NRXN1: variants seen among roughly 807,000 people sequenced by gnomAD.
The protein encoded by NRXN1 is neurexin-1.
A neutral mutation model predicts 150.9 loss-of-function variants in NRXN1; 39 were observed. The observed-to-expected ratio is 0.26, with a 90% confidence interval of 0.20 to 0.34. The LOEUF is 0.34. NRXN1 is among the 10% of genes least tolerant of loss of function. NRXN1 has a pLI of 1.00. For synonymous variants in NRXN1, 924 were observed against 757.0 expected, an observed-to-expected ratio of 1.22 and a Z score of -3.62; for missense variants, 1,815 against 1,949.9, an observed-to-expected ratio of 0.93 and a Z score of 1.30.
intron 21 of NRXN1, among the ~76,000 whole-genome samples, chr2:50,019,640 T>TTAAAA (rs1165089457): frequency 1.7e-4 from 1 of 6,004 alleles, no homozygotes; most frequent in Non-Finnish European, 2.9e-4. Flanking sequence ...AGATTCCGTC[T>TTAAAA]CAAAAAAAAA....
chr2:50,510,272 G>C (rs1222435318), intron 12 of NRXN1, among the ~76,000 whole-genome samples: 3 of 151,864 alleles, frequency 2.0e-5, no homozygotes, highest in African/African-American at 4.8e-5. Context: ...AGAATCACGA[G>C]GTCAGGAGTT....
intron 8 of NRXN1, among the ~76,000 whole-genome samples, chr2:50,597,034 G>A (rs1675350701): frequency 6.6e-6 from 1 of 151,878 alleles, no homozygotes; most frequent in African/African-American, 2.4e-5. Flanking sequence ...TGTATTTTTT[G>A]TAGGGATGGG....
intron 2 of NRXN1, among the ~76,000 whole-genome samples, chr2:50,984,132 T>A (rs1697296620): frequency 8.1e-6 from 1 of 123,508 alleles, no homozygotes; most frequent in Non-Finnish European, 1.7e-5. Context: ...CACGCCAGGC[T>A]AATTTTTTTT....
chr2:50,395,074 C>G (rs535596437), intron 17 of NRXN1, among the ~76,000 whole-genome samples: 213 of 152,102 alleles, frequency 1.4e-3, no homozygotes, highest in African/African-American at 4.8e-3. Context: ...CCCTGCTATG[C>G]TTTTCTTCAT....
At chr2:50,389,519 T>C (rs540946106) in intron 17 of NRXN1, among the ~76,000 whole-genome samples, 3 of 152,092 alleles carry the variant, frequency 2.0e-5, no homozygotes, top group Admixed American at 1.3e-4. Context: ...TAGACCCAAA[T>C]GTATGAAATT....
At chr2:50,533,507 CA>C (rs1286001339) in intron 10 of NRXN1, among the ~76,000 whole-genome samples, 1 of 152,148 alleles carries the variant, frequency 6.6e-6, no homozygotes, top group Non-Finnish European at 1.5e-5. Context: ...AATCCATTTG[CA>C]AGTCTGCAAG....
At chr2:50,723,904 C>A (rs113574788) in intron 5 of NRXN1, among the ~76,000 whole-genome samples, 1 of 152,128 alleles carries the variant, frequency 6.6e-6, no homozygotes, top group Non-Finnish European at 1.5e-5. Context: ...TTTATACATG[C>A]TCATATATCA....
chr2:50,404,817 G>C lies in NRXN1; in HGVS notation c.3364+60625C>G, dbSNP rs114655114. 7.3e-3 allele frequency among the ~76,000 whole-genome samples: 1,112 copies of C among 152,220 alleles called. 21 individuals are homozygous for C. Among genetic ancestry groups the C allele is most frequent in the African/African-American group, 0.025 (1,056 of 41,552 alleles). On this transcript the variant is annotated intron_variant, in intron 17 of 22. Coordinates refer to ENST00000401669, the MANE Select transcript of NRXN1 (RefSeq NM_001330078.2). ...ATAAGAGTTTTGACTCCCTGCTCTA[G>C]TGGTGAGAGACCTTTCAGTCAGAGA...
At chr2:50,981,413 G>A (rs569641037) in intron 2 of NRXN1, among the ~76,000 whole-genome samples, 8 of 120,104 alleles carry the variant, frequency 6.7e-5, no homozygotes, top group Admixed American at 1.1e-4. Context: ...AGCCAAGATC[G>A]CACCACTGCA....
At chr2:50,515,528 T>C (rs1488230994) in intron 12 of NRXN1, among the ~76,000 whole-genome samples, 1 of 151,964 alleles carries the variant, frequency 6.6e-6, no homozygotes, top group Non-Finnish European at 1.5e-5. Context: ...CTTCTACTTA[T>C]AAAATCTAGG....
chr2:50,301,129 C>T (rs1046255200), intron 17 of NRXN1, among the ~76,000 whole-genome samples: 1 of 152,182 alleles, frequency 6.6e-6, no homozygotes, highest in Non-Finnish European at 1.5e-5. Flanking sequence ...TATTCAGACT[C>T]TACATGAGAA....
At chr2:50,683,870 T>C (rs1052923417) in intron 5 of NRXN1, among the ~76,000 whole-genome samples, 5 of 151,150 alleles carry the variant, frequency 3.3e-5, no homozygotes, top group Middle Eastern at 3.2e-3. Context: ...ATGTGTGTAT[T>C]ATTTTCAAAA....
intron 5 of NRXN1, among the ~76,000 whole-genome samples, chr2:50,719,056 C>T (rs1001032672): frequency 3.3e-5 from 5 of 150,960 alleles, no homozygotes; most frequent in Non-Finnish European, 7.4e-5. Flanking sequence ...AATCCTACAA[C>T]TTCCACCATT....
intron 18 of NRXN1, among the ~76,000 whole-genome samples, chr2:50,192,993 C>G (rs766148218): frequency 2.0e-5 from 3 of 152,128 alleles, no homozygotes; most frequent in Non-Finnish European, 4.4e-5. Flanking sequence ...GTATATTACT[C>G]TTTAAACCCT....
At chr2:50,556,182 A>C (rs934396514) in intron 8 of NRXN1, among the ~76,000 whole-genome samples, 5 of 152,092 alleles carry the variant, frequency 3.3e-5, no homozygotes, top group African/African-American at 1.2e-4. Flanking sequence ...TTTTATAATT[A>C]CCCTATTTTT....
At chr2:50,055,879 G>GC (rs1693522182) in intron 19 of NRXN1, among the ~76,000 whole-genome samples, 1 of 152,118 alleles carries the variant, frequency 6.6e-6, no homozygotes, top group Non-Finnish European at 1.5e-5. Flanking sequence ...ACAAACAGTG[G>GC]CCCCTATTCA....
At chr2:50,303,622 G>A (rs2074360283) in intron 17 of NRXN1, among the ~76,000 whole-genome samples, 2 of 152,032 alleles carry the variant, frequency 1.3e-5, no homozygotes, top group South Asian at 2.1e-4. Context: ...AACCTTTCAT[G>A]TGTATTTGCA....
rs3052541 is a variant in NRXN1 at position 50,573,742 on chromosome 2, A to AAATAAT, written c.1321-20723_1321-20718dup. 6.3e-3 allele frequency among the ~76,000 whole-genome samples: 939 copies of AAATAAT among 148,148 alleles called. 3 individuals are homozygous for AAATAAT. The highest frequency in any genetic ancestry group is 0.013 in the African/African-American group (536 of 40,632). ...CCAACAGCGGATGGAAGATATTTGA[A>AAATAAT]AATAATAATAATAATAATAATAAAT... On this transcript the variant is annotated intron_variant, in intron 8 of 22. Transcript: ENST00000401669.
At chr2:50,647,730 A>T (rs1685023815) in intron 5 of NRXN1, among the ~76,000 whole-genome samples, 1 of 151,982 alleles carries the variant, frequency 6.6e-6, no homozygotes, top group African/African-American at 2.4e-5. Context: ...AAAATTCAGG[A>T]AAGTTTGTAA....
Sources: gnomAD v4.1 joint callset for allele counts (sites outside exome capture counted in the v4.1 genomes callset) on GRCh38, gnomAD v4.1.1 for gene constraint, MANE v1.5 for transcripts, NCBI Gene and HGNC (gene_info 2026-07-23, HGNC 2026-07-21) for gene names.